The following PDE4A variants were observed in gnomAD, a reference collection of about 807,000 sequenced individuals.
PDE4A encodes 3',5'-cyclic-AMP phosphodiesterase 4A.
PDE4A carries 21 observed loss-of-function variants against 73.9 expected under a neutral mutation model. That is an observed-to-expected ratio of 0.28 (90% confidence interval 0.20 to 0.41). The LOEUF (loss-of-function observed/expected upper bound fraction) is 0.41, where lower values mean the gene tolerates loss of function less well. Among genes scored for constraint, PDE4A ranks in the 10% least tolerant of loss-of-function variants. The pLI is 1.00. For synonymous variants in PDE4A, 463 were observed against 505.4 expected (o/e 0.92, Z 1.13); for missense variants, 958 against 1,211.4 (o/e 0.79, Z 3.10).
intron 1 of PDE4A, among the ~76,000 whole-genome samples, chr19:10,437,957 A>G (rs765312419): frequency 1.9e-4 from 29 of 151,434 alleles, no homozygotes; most frequent in Non-Finnish European, 4.3e-4. Context: ...GGCGCACACC[A>G]TCATCATGCC....
intron 1 of PDE4A, among the ~76,000 whole-genome samples, chr19:10,425,514 A>T (rs2042706243): frequency 6.6e-6 from 1 of 152,244 alleles, no homozygotes; most frequent in Admixed American, 6.5e-5. Context: ...GCGTCCCCCA[A>T]ACCGCAAACC....
intron 4 of PDE4A, 74 bp downstream of exon 4, chr19:10,449,224 G>A (rs924335688): frequency 6.6e-7 from 1 of 1,506,228 alleles, no homozygotes; most frequent in Non-Finnish European, 9.1e-7. Flanking sequence ...CAGCCCTGCT[G>A]TGTGACCTCT....
upstream of PDE4A, chr19:10,417,431 G>A: frequency 1.0e-6 from 1 of 984,774 alleles, no homozygotes; most frequent in Non-Finnish European, 1.2e-6. Context: ...CAAGGCTGGG[G>A]CATCGAGAGG....
chr19:10,421,231 G>A (rs2145440587), intron 1 of PDE4A, 147 bp downstream of exon 1: 1 of 1,337,326 alleles, frequency 7.5e-7, no homozygotes, highest in East Asian at 3.1e-5. Context: ...GGGGGCGTCT[G>A]GGACCTGGCC....
At chr19:10,423,995 C>T (rs1327506788) in intron 1 of PDE4A, among the ~76,000 whole-genome samples, 2 of 152,218 alleles carry the variant, frequency 1.3e-5, no homozygotes, top group Non-Finnish European at 2.9e-5. Context: ...TACCAGGGCA[C>T]ATACAGGATT....
chr19:10,463,318 G>A (rs988535692), intron 13 of PDE4A, among the ~76,000 whole-genome samples: 7 of 151,048 alleles, frequency 4.6e-5, no homozygotes, highest in African/African-American at 1.7e-4. Context: ...TCAAATTCAT[G>A]ACCTCAAGTG....
intron 2 of PDE4A, among the ~76,000 whole-genome samples, chr19:10,448,568 G>A (rs1251495280): frequency 2.6e-5 from 4 of 151,182 alleles, no homozygotes; most frequent in Admixed American, 6.6e-5. Context: ...CCTGGGAGGC[G>A]GAGGTTGCAG....
At chr19:10,444,670 A>AT (rs552364395) in intron 1 of PDE4A, among the ~76,000 whole-genome samples, 22,678 of 135,390 alleles carry the variant, frequency 0.17, 2,278 homozygotes, top group Middle Eastern at 0.26. Flanking sequence ...TGTGTCTGAG[A>AT]TTTTTTTTTT....
intron 2 of PDE4A, among the ~76,000 whole-genome samples, chr19:10,447,972 C>T (rs888074682): frequency 3.3e-5 from 5 of 152,076 alleles, no homozygotes; most frequent in Non-Finnish European, 7.3e-5. Context: ...ATATTCACCT[C>T]GGGTCAGGCT....
At chr19:10,439,560 C>T (rs1045024721) in intron 1 of PDE4A, among the ~76,000 whole-genome samples, 1 of 152,054 alleles carries the variant, frequency 6.6e-6, no homozygotes, top group African/African-American at 2.4e-5. Context: ...GGGGAGGAAT[C>T]GGAGCAGCAG....
chr19:10,459,256 G>A (rs999518703), intron 8 of PDE4A, 144 bp from the exon 9 acceptor site: 3 of 1,427,000 alleles, frequency 2.1e-6, no homozygotes, highest in East Asian at 2.5e-5. Context: ...GACGAGGGCA[G>A]TACATTCTGT....
chr19:10,421,295 T>C, intron 1 of PDE4A: 1 of 985,138 alleles, frequency 1.0e-6, no homozygotes, highest in South Asian at 4.7e-5. Context: ...CTGGGGTCCA[T>C]TTAGGGGGCG....
chr19:10,437,168 G>A (rs1477193912), intron 1 of PDE4A, among the ~76,000 whole-genome samples: 1 of 151,956 alleles, frequency 6.6e-6, no homozygotes, highest in Non-Finnish European at 1.5e-5. Flanking sequence ...CTATCCCCTA[G>A]GCTGCAGTGC....
rs76669781 is a variant in PDE4A at position 10,457,699 on chromosome 19, T to C, written c.878-180T>C. On this transcript the variant is annotated intron_variant, in intron 7 of 14. Coordinates refer to ENST00000380702, the MANE Select transcript of PDE4A (RefSeq NM_001111307.2). The stretch of plus-strand genomic sequence containing the variant: ...GCCCCCACTCCAGCCCACCACCTCC[T>C]GGAAGATTTCCCACATCCCCTCTGG... 7,078 of 797,510 alleles carry C rather than the reference T, an allele frequency of 8.9e-3. 304 individuals are homozygous for C. The African/African-American group carries it at 0.1, about 12-fold the overall frequency. The allele number at this position is 797,510 out of a possible 1,614,324, so 49.4% of individuals were successfully genotyped here.
intron 1 of PDE4A, among the ~76,000 whole-genome samples, chr19:10,433,443 T>C (rs970019377): frequency 6.6e-6 from 1 of 152,062 alleles, no homozygotes; most frequent in Non-Finnish European, 1.5e-5. Flanking sequence ...CTGCACCAGA[T>C]ACACACAGGA....
chr19:10,458,119 T>C lies in PDE4A; in HGVS notation c.1101+17T>C, dbSNP rs2043201835. ...CTGGCCCAAGTGGGTGGGGGCTCAG[T>C]AGGGGCAGGGCTGGAGGGGGTGGTC... On this transcript the variant is annotated intron_variant, in intron 8 of 14. Transcript: ENST00000380702. The surrounding 1 kb of genome is among the most constrained non-coding windows in gnomAD (Gnocchi z 4.6). The C allele has an allele frequency of 6.2e-7, 1 of 1,612,392 alleles. No individual in the cohort carries two copies. The highest frequency in any genetic ancestry group is 8.5e-7 in the Non-Finnish European group (1 of 1,179,104).
Sources: allele counts gnomAD v4.1 joint callset (sites outside exome capture counted in the v4.1 genomes callset), GRCh38; gene constraint gnomAD v4.1.1; non-coding constraint Gnocchi (gnomAD v3.1); transcripts MANE v1.5; gene names NCBI Gene and HGNC (gene_info 2026-07-23, HGNC 2026-07-21).